STIL: variants seen among roughly 807,000 people sequenced by gnomAD.
STIL encodes the protein STIL centriolar assembly protein.
Under a neutral mutation model 110.1 loss-of-function variants are expected in STIL, and 55 were observed. That is an observed-to-expected ratio of 0.50 (90% CI 0.40 to 0.63). The LOEUF is 0.63. STIL is among the 20% of genes least tolerant of loss of function. The pLI is 0.00. For synonymous variants in STIL, 481 were observed against 530.0 expected, an observed-to-expected ratio of 0.91 and a Z score of 1.27; for missense variants, 1,358 against 1,530.0, an observed-to-expected ratio of 0.89 and a Z score of 1.87.
chr1:47,308,025 T>C (rs1046677966), intron 2 of STIL, among the ~76,000 whole-genome samples: 5 of 152,224 alleles, frequency 3.3e-5, no homozygotes, highest in African/African-American at 1.2e-4. Context: ...TAAGATGTTA[T>C]CAATGACAGT....
chr1:47,295,142 T>TGAACCCCTGACCTC (rs1553179855), intron 7 of STIL, among the ~76,000 whole-genome samples: 1 of 151,964 alleles, frequency 6.6e-6, no homozygotes, highest in African/African-American at 2.4e-5. Context: ...AGGCTGGCCT[T>TGAACCCCTGACCTC]GAACTCCTGA....
intron 12 of STIL, among the ~76,000 whole-genome samples, chr1:47,276,363 A>G (rs1278607150): frequency 6.6e-6 from 1 of 152,064 alleles, no homozygotes; most frequent in Non-Finnish European, 1.5e-5. Flanking sequence ...TAAAATGCAA[A>G]ACACTTAAGA....
intron 2 of STIL, among the ~76,000 whole-genome samples, chr1:47,305,912 T>C (rs1486937720): frequency 6.6e-6 from 1 of 151,058 alleles, no homozygotes; most frequent in Non-Finnish European, 1.5e-5. Flanking sequence ...TTTGTATCTT[T>C]AGTAGAGACG....
chr1:47,271,193 A>G (rs1644825461), intron 13 of STIL, among the ~76,000 whole-genome samples: 1 of 152,112 alleles, frequency 6.6e-6, no homozygotes, highest in Non-Finnish European at 1.5e-5. Flanking sequence ...AACACCCTAA[A>G]TCATCTTTTG....
At chr1:47,293,644 A>G (rs376739796) in intron 7 of STIL, 100 bp from the exon 8 acceptor site, 4 of 943,466 alleles carry the variant, frequency 4.2e-6, no homozygotes, top group Non-Finnish European at 5.0e-6. Flanking sequence ...GGCTTTTATC[A>G]GCCATACATT....
intron 13 of STIL, among the ~76,000 whole-genome samples, chr1:47,270,193 G>A (rs925489612): frequency 1.5e-4 from 21 of 143,628 alleles, no homozygotes; most frequent in Non-Finnish European, 1.9e-4. Context: ...AGCTGTGATT[G>A]TGCTACTGCA....
At chr1:47,286,650 C>T (rs556877742) in intron 10 of STIL, among the ~76,000 whole-genome samples, 8 of 151,616 alleles carry the variant, frequency 5.3e-5, no homozygotes, top group Admixed American at 1.3e-4. Context: ...AGCTGAGATA[C>T]GCCACTGCAC....
chr1:47,260,302 C>A lies in STIL; in HGVS notation c.3067G>T (p.Val1023Leu), dbSNP rs144586803. 107 of 1,613,822 alleles carry A rather than the reference C, an allele frequency of 6.6e-5. 1 individual carries two copies. The African/African-American group carries it at 1.3e-3, about 19-fold the overall frequency. Residue 1023 changes from valine (V) to leucine (L), a missense_variant, in exon 16 of 17, where the codon GTG becomes TTG. Val to Leu is a conservative substitution (Grantham distance 32). Coordinates refer to ENST00000371877, the MANE Select transcript of STIL (RefSeq NM_001048166.1). ...TTTAAAAGTTACCTGGCGTGATCCA[C>A]GTTATGTGCATTTTTCTTCACTTTA... ...PTKVKKNAHN[V>L]DHASVLACIS...
intron 1 of STIL, chr1:47,312,934 C>T (rs77740136): frequency 2.0e-5 from 3 of 152,226 alleles, no homozygotes; most frequent in South Asian, 4.1e-4. Context: ...TAGTTGCTAA[C>T]TTCATCAACT....
chr1:47,278,213 T>A (rs1217626913), intron 12 of STIL, among the ~76,000 whole-genome samples: 1 of 152,224 alleles, frequency 6.6e-6, no homozygotes, highest in African/African-American at 2.4e-5. Flanking sequence ...TAGCAGAAGC[T>A]TTAAATGGTT....
At chr1:47,277,239 T>C (rs1440675688) in intron 12 of STIL, among the ~76,000 whole-genome samples, 1 of 152,100 alleles carries the variant, frequency 6.6e-6, no homozygotes, top group African/African-American at 2.4e-5. Context: ...TAAACATGTT[T>C]TGGCATTTTT....
chr1:47,268,203 T>C (rs539618340), intron 14 of STIL, among the ~76,000 whole-genome samples: 37 of 152,322 alleles, frequency 2.4e-4, no homozygotes, highest in African/African-American at 8.4e-4. Flanking sequence ...TCCCAGCACT[T>C]TGGAAGGCTG....
rs762196815 is a variant in STIL at position 47,251,318 on chromosome 1, C to T, written c.3685G>A (p.Val1229Met). The change falls in exon 17 of 17, where the codon GTG becomes ATG. Residue 1229 changes from valine (V) to methionine (M), a missense_variant. By Grantham distance (21) the Val-to-Met change is conservative (BLOSUM62 1). Coordinates refer to ENST00000371877, the MANE Select transcript of STIL (RefSeq NM_001048166.1). ...LVKNLKPSPA[V>M]NLRTGKAEFT... Reference sequence around the variant, plus strand: ...TCTGCTTTCCCGGTTCGAAGGTTCACTGCAGGACTTGGTTTAAGGTTCTTT... The same window carrying T: ...TCTGCTTTCCCGGTTCGAAGGTTCATTGCAGGACTTGGTTTAAGGTTCTTT... The T allele has an allele frequency of 1.9e-6, 3 of 1,614,208 alleles. No individual in the cohort carries two copies. Among genetic ancestry groups the T allele is most frequent in the South Asian group, 1.1e-5 (1 of 91,080 alleles).
At chr1:47,259,285 C>CTT (rs3043082) in intron 16 of STIL, among the ~76,000 whole-genome samples, 2,805 of 76,040 alleles carry the variant, frequency 0.037, 432 homozygotes, top group East Asian at 0.14. Flanking sequence ...CGCGCCCGGC[C>CTT]TTTTTTTTTT....
chr1:47,301,849 T>G, intron 4 of STIL, 101 bp from the exon 5 acceptor site: 1 of 1,068,050 alleles, frequency 9.4e-7, no homozygotes, highest in South Asian at 1.3e-5. Flanking sequence ...TTCATACCAA[T>G]AGTACACTAA....
In STIL at chr1:47,301,727, G is replaced by C; in HGVS notation, c.287C>G (p.Thr96Arg). The C allele has an allele frequency of 6.2e-7, 1 of 1,613,918 alleles. No individual in the cohort carries two copies. The highest frequency in any genetic ancestry group is 8.5e-7 in the Non-Finnish European group (1 of 1,179,976). The change falls in exon 5 of 17, where the codon ACA becomes AGA. Residue 96 changes from threonine to arginine, a missense_variant. By Grantham distance (71) the Thr-to-Arg change is moderately conservative. Transcript: ENST00000371877. ...TCGACCAGGATCAAAGCGATCTACT[G>C]TCAATGTTACACCTTCTTCATCTGT... ...ADEDEEGVTLTVDRFDPGREV... is the reference protein window; with the variant it reads ...ADEDEEGVTLRVDRFDPGREV...
intron 9 of STIL, among the ~76,000 whole-genome samples, chr1:47,289,145 G>T (rs1645402410): frequency 6.7e-6 from 1 of 148,762 alleles, no homozygotes; most frequent in Non-Finnish European, 1.5e-5. Flanking sequence ...AGTATAAAAT[G>T]ATATATGAAC....
At chr1:47,289,317 G>T in intron 9 of STIL, 118 bp downstream of exon 9, 1 of 637,368 alleles carries the variant, frequency 1.6e-6, no homozygotes, top group Non-Finnish European at 2.5e-6. Flanking sequence ...TTATTTATAA[G>T]TAAACAAAGC....
intron 16 of STIL, among the ~76,000 whole-genome samples, chr1:47,253,700 G>A (rs2148645576): frequency 6.6e-6 from 1 of 152,128 alleles, no homozygotes; most frequent in East Asian, 1.9e-4. Flanking sequence ...ATTTGTTGTG[G>A]TGAACATTAT....
Sources: allele counts gnomAD v4.1 joint callset (sites outside exome capture counted in the v4.1 genomes callset), GRCh38; gene constraint gnomAD v4.1.1; transcripts MANE v1.5; gene names NCBI Gene and HGNC (gene_info 2026-07-23, HGNC 2026-07-21).